Variants in KLF17 observed in about 807,000 individuals in gnomAD.
The protein encoded by KLF17 is Krueppel-like factor 17.
In KLF17, 31 loss-of-function variants were observed where a neutral mutation model predicts 34.2. The ratio of observed to expected loss-of-function variants is 0.91; its 90% CI spans 0.68 to 1.22. The LOEUF is 1.22. KLF17 is among the 50% of genes most tolerant of loss of function. KLF17 has a pLI of 0.00. For missense variants in KLF17, 478 were observed against 505.2 expected (o/e 0.95, Z 0.52); for synonymous variants, 179 against 186.7 (o/e 0.96, Z 0.34).
Position 44,129,732 on chromosome 1 carries a change from C to T in KLF17, c.461C>T (p.Pro154Leu). The stretch of plus-strand genomic sequence containing the variant: ...CCCTTCGGTGGGAATCTAAGGATGC[C>T]CCCCAATGGGCTGCCAGTCTCGGCT... ...ARPFGGNLRM[P>L]PNGLPVSAST... The change falls in exon 2 of 4, where the codon CCC becomes CTC. Residue 154 changes from proline to leucine, a missense_variant. Coordinates refer to ENST00000372299, the MANE Select transcript of KLF17 (RefSeq NM_173484.4). 1 of 1,614,096 alleles carries T rather than the reference C, an allele frequency of 6.2e-7. No homozygotes were observed. The highest frequency in any genetic ancestry group is 8.5e-7 in the Non-Finnish European group (1 of 1,180,004).
At position 44,129,545 on chromosome 1, in the gene KLF17, C is replaced by G. The variant is rs866116560; in HGVS notation, c.274C>G (p.Pro92Ala). 6.2e-7 allele frequency: 1 copy of G among 1,613,298 alleles called. No homozygotes were observed. Among genetic ancestry groups the G allele is most frequent in the African/African-American group, 1.3e-5 (1 of 74,918 alleles). ...VNEGGPQFSM[P>A]LPERGMSYCP... ...TGAAGGGGGGCCACAGTTCAGTATG[C>G]CACTGCCTGAGCGTGGTATGAGCTA... The change falls in exon 2 of 4, where the codon CCA (proline) becomes GCA (alanine). Residue 92 changes from proline (P) to alanine (A), a missense_variant. Physicochemically the swap from Pro to Ala is conservative, Grantham distance 27 (BLOSUM62 -1). Transcript: ENST00000372299.
the KLF17 span, among the ~76,000 whole-genome samples, chr1:44,085,144 G>GTA: frequency 6.6e-6 from 1 of 151,764 alleles, no homozygotes; most frequent in Non-Finnish European, 1.5e-5. Context: ...ATATGTGTGT[G>GTA]TATATATACA....
At chr1:44,083,908 G>A in the KLF17 span, among the ~76,000 whole-genome samples, 244 of 152,024 alleles carry the variant, frequency 1.6e-3, 2 homozygotes, top group East Asian at 0.019. Flanking sequence ...AGCCGGGATC[G>A]TCCTCTCTAG....
the KLF17 span, among the ~76,000 whole-genome samples, chr1:44,078,910 C>G: frequency 6.6e-6 from 1 of 152,278 alleles, no homozygotes; most frequent in South Asian, 2.1e-4. Context: ...GTGACACCCT[C>G]TACAGGGAGG....
the KLF17 span, among the ~76,000 whole-genome samples, chr1:44,099,911 A>C: frequency 2.9e-5 from 2 of 69,802 alleles, no homozygotes; most frequent in South Asian, 5.3e-4. Flanking sequence ...GAAAGAAAGA[A>C]AGAAAGAAAA....
In KLF17 at chr1:44,130,177, C is replaced by A. The variant is rs200657181; in HGVS notation, c.906C>A (p.Ser302Arg). The change falls in exon 2 of 4, where the codon AGC becomes AGA. Residue 302 changes from serine (S) to arginine (R), a missense_variant. Transcript: ENST00000372299. ...ATACCAAACGCTCCCACCTCGTGAG[C>A]CACCAGCGCAAGCACACAGGTGAAG... ...KAYTKRSHLV[S>R]HQRKHTGERP... The A allele has an allele frequency of 6.2e-7, 1 of 1,612,184 alleles. No homozygotes were observed. The highest frequency in any genetic ancestry group is 8.5e-7 in the Non-Finnish European group (1 of 1,178,944).
At position 44,118,969 on chromosome 1, in the gene KLF17, C is replaced by A. The variant is rs201093755; in HGVS notation, c.62C>A (p.Ala21Glu). Residue 21 changes from alanine (A) to glutamate (E), a missense_variant, in exon 1 of 4, where the codon GCG becomes GAG. Transcript: ENST00000372299. ...GCTGGGGAGCTGAGCCGGTGGCAGG[C>A]GGCGCACCAGGCTGCCCAGGTGAGT... ...QEAGELSRWQ[A>E]AHQAAQDNEN... 6.2e-7 allele frequency: 1 copy of A among 1,609,828 alleles called. No homozygotes were observed. Among genetic ancestry groups the A allele is most frequent in the Non-Finnish European group, 8.5e-7 (1 of 1,178,440 alleles).
the KLF17 span, among the ~76,000 whole-genome samples, chr1:44,111,997 C>T: frequency 6.6e-6 from 1 of 152,176 alleles, no homozygotes; most frequent in East Asian, 1.9e-4. Context: ...TGTCCTTTTC[C>T]AGGATCCTAC....
At chr1:44,069,510 GAGA>G in the KLF17 span, among the ~76,000 whole-genome samples, 4 of 109,384 alleles carry the variant, frequency 3.7e-5, no homozygotes, top group African/African-American at 1.3e-4. This position sits in a 1 kb window ranked among gnomAD's most constrained non-coding sequence, Gnocchi z 4.7. Context: ...GAGAGAGAGA[GAGA>G]AGACAGGAGG....
the KLF17 span, among the ~76,000 whole-genome samples, chr1:44,061,495 GT>G: frequency 3.3e-5 from 5 of 152,188 alleles, no homozygotes; most frequent in African/African-American, 9.7e-5. Flanking sequence ...TGCCATGTCA[GT>G]TTACCATTGC....
At chr1:44,127,692 T>TTCTTTCTTTCTCTTTCTTTCTTTC (rs753421834) in intron 1 of KLF17, among the ~76,000 whole-genome samples, 1 of 90,134 alleles carries the variant, frequency 1.1e-5, no homozygotes, top group Non-Finnish European at 2.0e-5. Context: ...CTTTCTTTCT[T>TTCTTTCTTTCTCTTTCTTTCTTTC]TTTCTTTCTT....
At chr1:44,114,516 C>T (rs2087862921), upstream of KLF17, 1 of 152,092 alleles carries the variant, frequency 6.6e-6, no homozygotes, top group Admixed American at 6.5e-5. Context: ...AGTAGACACT[C>T]ATTAAATATT....
chr1:44,058,444 C>A, the KLF17 span, among the ~76,000 whole-genome samples: 1 of 152,022 alleles, frequency 6.6e-6, no homozygotes, highest in East Asian at 1.9e-4. Context: ...GCAGGCATCA[C>A]CAAGCCCGGC....
the KLF17 span, among the ~76,000 whole-genome samples, chr1:44,049,229 A>G: frequency 2.0e-5 from 3 of 152,086 alleles, no homozygotes; most frequent in Non-Finnish European, 4.4e-5. Context: ...TACCCTCATC[A>G]CCGCATCTAA....
the KLF17 span, among the ~76,000 whole-genome samples, chr1:44,064,159 A>C: frequency 6.6e-6 from 1 of 152,234 alleles, no homozygotes; most frequent in Non-Finnish European, 1.5e-5. Flanking sequence ...CAAGGAAGGC[A>C]TAATATGCTA....
chr1:44,066,814 C>T, the KLF17 span, among the ~76,000 whole-genome samples: 1 of 152,106 alleles, frequency 6.6e-6, no homozygotes. Flanking sequence ...TGTACTCACA[C>T]ATGGAATATG....
chr1:44,088,721 G>C, the KLF17 span, among the ~76,000 whole-genome samples: 1 of 152,146 alleles, frequency 6.6e-6, no homozygotes, highest in Admixed American at 6.5e-5. Flanking sequence ...TTGGTGGGGG[G>C]CACAATTTAG....
chr1:44,099,857 G>GAAAGAAAGAAAGAAAA, the KLF17 span, among the ~76,000 whole-genome samples: 1 of 97,014 alleles, frequency 1.0e-5, no homozygotes. Flanking sequence ...AAGAAAGAAA[G>GAAAGAAAGAAAGAAAA]AAAGAAAGAA....
rs764267821 is a variant in KLF17 at position 44,130,684 on chromosome 1, G to T, written c.1098G>T (p.Arg366=). 3.7e-6 allele frequency: 6 copies of T among 1,613,476 alleles called. No individual in the cohort carries two copies. The highest frequency in any genetic ancestry group is 1.6e-4 in the Middle Eastern group (1 of 6,084). ...TCAAGCAACACCAGAAGACTCATCG[G>T]CCGGGACCCTCAGACCCACAGGCCA... ...DHLKQHQKTH[R]PGPSDPQANN... is the part of the protein sequence containing the mutation. The change falls in exon 3 of 4, where the codon CGG becomes CGT. Residue 366 remains arginine (R), a synonymous_variant. Transcript: ENST00000372299.
Sources: allele counts gnomAD v4.1 joint callset (sites outside exome capture counted in the v4.1 genomes callset), GRCh38; gene constraint gnomAD v4.1.1; non-coding constraint Gnocchi (gnomAD v3.1); transcripts MANE v1.5; gene names NCBI Gene and HGNC (gene_info 2026-07-23, HGNC 2026-07-21).